SVOP: variants seen among roughly 807,000 people sequenced by gnomAD.
SVOP encodes the protein SV2 related protein.
SVOP carries 17 observed loss-of-function variants against 69.1 expected under a neutral mutation model. That is an observed-to-expected ratio of 0.25 (90% CI 0.17 to 0.37). SVOP has a LOEUF of 0.37. Among genes scored for constraint, SVOP ranks in the 10% least tolerant of loss-of-function variants. The pLI, the probability that SVOP is intolerant of heterozygous loss-of-function variation, is 1.00. For synonymous variants in SVOP, 238 were observed against 238.6 expected (o/e 1.00, Z 0.02); for missense variants, 435 against 597.5 (o/e 0.73, Z 2.84).
intron 13 of SVOP, among the ~76,000 whole-genome samples, chr12:108,918,501 A>C (rs1412525456): frequency 3.9e-5 from 6 of 152,176 alleles, no homozygotes; most frequent in Admixed American, 3.3e-4. Flanking sequence ...TCTTAGGATA[A>C]TTCTGATCCC....
At chr12:108,953,088 A>T (rs940856260) in intron 6 of SVOP, among the ~76,000 whole-genome samples, 2 of 151,990 alleles carry the variant, frequency 1.3e-5, no homozygotes, top group East Asian at 3.9e-4. Flanking sequence ...GGGTTGTAGA[A>T]AAGCACAGAT....
chr12:108,983,247 T>G (rs1022989537), intron 2 of SVOP, among the ~76,000 whole-genome samples: 1 of 150,908 alleles, frequency 6.6e-6, no homozygotes, highest in Non-Finnish European at 1.5e-5. Flanking sequence ...ATTATCACCA[T>G]CATCCTCACC....
At chr12:109,012,140 G>A (rs528435359) in intron 1 of SVOP, among the ~76,000 whole-genome samples, 21 of 152,138 alleles carry the variant, frequency 1.4e-4, no homozygotes, top group East Asian at 5.8e-4. Flanking sequence ...AAAATTAGCC[G>A]AGTGCAGTGG....
At chr12:108,976,235 T>C (rs2040105623) in intron 4 of SVOP, among the ~76,000 whole-genome samples, 1 of 152,060 alleles carries the variant, frequency 6.6e-6, no homozygotes, top group Admixed American at 6.6e-5. Flanking sequence ...GCCATGAAAC[T>C]CTTCCCACTG....
chr12:108,932,805 T>C (rs866492922), intron 11 of SVOP, among the ~76,000 whole-genome samples: 1 of 152,154 alleles, frequency 6.6e-6, no homozygotes, highest in African/African-American at 2.4e-5. Context: ...AATTCCAACT[T>C]GACTCTAGTA....
At chr12:108,991,122 C>T (rs2040198062) in intron 1 of SVOP, among the ~76,000 whole-genome samples, 1 of 152,178 alleles carries the variant, frequency 6.6e-6, no homozygotes, top group South Asian at 2.1e-4. Context: ...ACCTATGACA[C>T]AGGACTCAGG....
At position 108,977,439 on chromosome 12, in the gene SVOP, C is replaced by G. The variant is rs1284435894; in HGVS notation, c.340G>C (p.Glu114Gln). The change falls in exon 4 of 16, where the codon GAG becomes CAG. Residue 114 changes from glutamate (E) to glutamine (Q), a missense_variant. Physicochemically the swap from Glu to Gln is conservative, Grantham distance 29. Coordinates refer to ENST00000610966, the MANE Select transcript of SVOP (RefSeq NM_018711.5). ...LSILAPQLHC[E>Q]WRLPSWQVAL... ...ACCTGCCAGCTTGGGAGCCTCCACT[C>G]GCAATGCAGCTGTGGTGCCAGGATG... is the stretch of plus-strand genomic sequence containing the variant. The G allele has an allele frequency of 6.5e-7, 1 of 1,537,242 alleles. No homozygotes were observed. The highest frequency in any genetic ancestry group is 1.7e-4 in the Middle Eastern group (1 of 5,988).
chr12:108,964,013 G>A (rs1227578317), intron 5 of SVOP, among the ~76,000 whole-genome samples: 1 of 151,882 alleles, frequency 6.6e-6, no homozygotes, highest in Non-Finnish European at 1.5e-5. Flanking sequence ...TTTTTTATTA[G>A]CCCCATGTTA....
intron 6 of SVOP, among the ~76,000 whole-genome samples, chr12:108,950,375 G>T (rs1297753012): frequency 1.4e-5 from 2 of 147,342 alleles, no homozygotes; most frequent in Non-Finnish European, 3.0e-5. Context: ...CACCATGCCT[G>T]GCCAAGAATT....
At chr12:108,946,263 AT>A (rs375960454) in intron 6 of SVOP, among the ~76,000 whole-genome samples, 2,762 of 144,992 alleles carry the variant, frequency 0.019, 28 homozygotes, top group Middle Eastern at 0.088. Context: ...CGCCTGGCCA[AT>A]TTTTTTTTTT....
intron 1 of SVOP, among the ~76,000 whole-genome samples, chr12:109,020,467 G>A (rs946998148): frequency 5.3e-5 from 8 of 152,186 alleles, no homozygotes; most frequent in African/African-American, 1.2e-4. Context: ...GGCTGGAAAG[G>A]ACCGATGTCA....
chr12:108,982,836 CCAT>C (rs1262362678), intron 2 of SVOP, among the ~76,000 whole-genome samples: 4,812 of 74,094 alleles, frequency 0.065, 671 homozygotes, highest in Admixed American at 0.31. Flanking sequence ...ATCACTGTCA[CCAT>C]CATCATCATC....
chr12:109,007,623 T>C (rs892480970), intron 1 of SVOP, among the ~76,000 whole-genome samples: 2 of 152,232 alleles, frequency 1.3e-5, no homozygotes, highest in African/African-American at 4.8e-5. Flanking sequence ...GTCCCTGTGA[T>C]TGGCTCAGGA....
intron 9 of SVOP, among the ~76,000 whole-genome samples, chr12:108,937,953 G>C (rs569298311): frequency 7.2e-5 from 11 of 152,118 alleles, no homozygotes; most frequent in Admixed American, 1.3e-4. Context: ...CCAGGAGTTC[G>C]AGACCAGCCT....
chr12:108,996,162 G>A (rs1391629430), intron 1 of SVOP, among the ~76,000 whole-genome samples: 1 of 152,124 alleles, frequency 6.6e-6, no homozygotes, highest in Non-Finnish European at 1.5e-5. Context: ...GAAGTCAGGA[G>A]TTTGAGACCA....
intron 10 of SVOP, among the ~76,000 whole-genome samples, chr12:108,936,699 C>T (rs1162700925): frequency 6.6e-6 from 1 of 152,196 alleles, no homozygotes; most frequent in East Asian, 1.9e-4. Flanking sequence ...TGGTCTCAAA[C>T]TGCTGGCCTC....
intron 1 of SVOP, among the ~76,000 whole-genome samples, chr12:109,015,665 G>A (rs1215552632): frequency 1.3e-5 from 2 of 152,138 alleles, no homozygotes; most frequent in Non-Finnish European, 2.9e-5. Context: ...GGGCATGGTG[G>A]TGCATGCCTG....
chr12:108,919,588 C>T, intron 13 of SVOP, 87 bp downstream of exon 13: 1 of 1,043,208 alleles, frequency 9.6e-7, no homozygotes, highest in South Asian at 1.4e-5. Flanking sequence ...AACACCTGGC[C>T]CGCACATCTA....
At chr12:108,915,733 C>T (rs2039709451) in intron 15 of SVOP, 50 bp downstream of exon 15, 1 of 1,535,972 alleles carries the variant, frequency 6.5e-7, no homozygotes, top group Non-Finnish European at 8.8e-7. Context: ...GCTTGCCATG[C>T]ATGGGGTTTT....
Sources: gnomAD v4.1 joint callset for allele counts (sites outside exome capture counted in the v4.1 genomes callset) on GRCh38, gnomAD v4.1.1 for gene constraint, MANE v1.5 for transcripts, NCBI Gene and HGNC (gene_info 2026-07-23, HGNC 2026-07-21) for gene names.